The following FBLN7 variants were observed in gnomAD, a reference collection of about 807,000 sequenced individuals.
FBLN7 encodes the protein fibulin 7.
FBLN7 carries 31 observed loss-of-function variants against 44.0 expected under a neutral mutation model. The observed-to-expected ratio is 0.70, with a 90% CI of 0.53 to 0.95. The LOEUF is 0.95. Among genes scored for constraint, FBLN7 ranks in the 40% least tolerant of loss-of-function variants. FBLN7 has a pLI of 0.00. For synonymous variants in FBLN7, 262 were observed against 253.4 expected, an observed-to-expected ratio of 1.03 and a Z score of -0.32; for missense variants, 573 against 618.5, an observed-to-expected ratio of 0.93 and a Z score of 0.78.
chr2:112,195,011 AATTCATGGAGAAGTTGGCACTTG>A, the FBLN7 span, among the ~76,000 whole-genome samples: 2 of 152,316 alleles, frequency 1.3e-5, no homozygotes, highest in African/African-American at 4.8e-5. Flanking sequence ...AGTCAAGACC[AATTCATGGAGAAGTTGGCACTTG>A]ATTCATGGAG....
At chr2:112,192,339 C>G (rs369885832), downstream of FBLN7, among the ~76,000 whole-genome samples, 2 of 152,150 alleles carry the variant, frequency 1.3e-5, no homozygotes, top group East Asian at 1.9e-4. Context: ...CCCAGTGACG[C>G]CTCCAGTTCT....
rs955985229 is a variant in FBLN7, at chr2:112,159,903, C to G, written c.235+68C>G. Reference sequence around the variant, plus strand: ...TCGAGCACTCTCCCCGAGACGCTCCCAGCTGGAGGCCCCTCGTCACCCCTC... The same window carrying G: ...TCGAGCACTCTCCCCGAGACGCTCCGAGCTGGAGGCCCCTCGTCACCCCTC... On this transcript the variant is annotated intron_variant, in intron 2 of 7. Transcript: ENST00000331203. 61 of 1,341,100 alleles carry G rather than the reference C, an allele frequency of 4.5e-5. 2 individuals are homozygous for G. The South Asian group carries it at 1.0e-3, about 23-fold the overall frequency. 83.1% of individuals were successfully genotyped at this position (1,341,100 alleles called of 1,614,324 possible). A position where few individuals can be genotyped will look rare whatever the true frequency, so the allele number is the denominator to read the frequency against.
the FBLN7 span, among the ~76,000 whole-genome samples, chr2:112,243,679 T>C: frequency 6.6e-6 from 1 of 152,186 alleles, no homozygotes; most frequent in Non-Finnish European, 1.5e-5. Context: ...AAACTTGTTT[T>C]CTCTCCTTCA....
chr2:112,232,726 T>C, the FBLN7 span, among the ~76,000 whole-genome samples: 5 of 152,296 alleles, frequency 3.3e-5, no homozygotes, highest in Non-Finnish European at 7.4e-5. Flanking sequence ...ACTCCTTATA[T>C]TGAATGCCTG....
At chr2:112,205,622 G>T in the FBLN7 span, among the ~76,000 whole-genome samples, 1 of 152,004 alleles carries the variant, frequency 6.6e-6, no homozygotes, top group Non-Finnish European at 1.5e-5. Context: ...AATTAAATCA[G>T]TTGCTCATAT....
At chr2:112,220,422 G>A in the FBLN7 span, among the ~76,000 whole-genome samples, 2 of 152,094 alleles carry the variant, frequency 1.3e-5, no homozygotes, top group Non-Finnish European at 2.9e-5. Context: ...TAGTTTGGCT[G>A]GATATAAAAT....
rs1683302361 is a variant in FBLN7 at position 112,187,104 on chromosome 2, G to A, written c.948-30G>A. 1 of 1,607,074 alleles carries A rather than the reference G, an allele frequency of 6.2e-7. No individual in the cohort carries two copies. Among genetic ancestry groups the A allele is most frequent in the Non-Finnish European group, 8.5e-7 (1 of 1,175,986 alleles). The stretch of plus-strand genomic sequence containing the variant: ...GCTCTTCATGAGACTCCCCAAGGCT[G>A]ACTGCCTCCATTTTGCCTCTCCGCT... On this transcript the variant is annotated intron_variant, in intron 7 of 7. Transcript: ENST00000331203. The surrounding 1 kb of genome is among the most constrained non-coding windows in gnomAD (Gnocchi z 5.1).
chr2:112,216,293 C>CACT, the FBLN7 span: 4 of 152,436 alleles, frequency 2.6e-5, no homozygotes, highest in Admixed American at 6.5e-5. Context: ...CCAAGCCCTT[C>CACT]ACTTGTACAT....
the FBLN7 span, chr2:112,230,956 AT>A: frequency 1.6e-6 from 2 of 1,242,806 alleles, no homozygotes; most frequent in South Asian, 1.5e-5. Context: ...AAAACCTAAT[AT>A]AAAAAAAAAA....
the FBLN7 span, among the ~76,000 whole-genome samples, chr2:112,200,156 C>T: frequency 1.3e-5 from 2 of 152,178 alleles, no homozygotes; most frequent in African/African-American, 4.8e-5. Context: ...CATCAACTCC[C>T]AACTCAAGCA....
the FBLN7 span, among the ~76,000 whole-genome samples, chr2:112,199,234 C>T: frequency 2.0e-5 from 3 of 152,178 alleles, no homozygotes; most frequent in South Asian, 2.1e-4. Flanking sequence ...TCCCTGCATG[C>T]AACTCTCCCT....
chr2:112,201,414 G>C, the FBLN7 span, among the ~76,000 whole-genome samples: 1 of 152,242 alleles, frequency 6.6e-6, no homozygotes, highest in Admixed American at 6.5e-5. Context: ...GATCTCTCAG[G>C]TCTCGCATTT....
At chr2:112,160,989 G>A (rs1558880880) in intron 2 of FBLN7, among the ~76,000 whole-genome samples, 1 of 152,196 alleles carries the variant, frequency 6.6e-6, no homozygotes, top group Non-Finnish European at 1.5e-5. Flanking sequence ...TGGGAGGGAA[G>A]GGCTGCTGAG....
the FBLN7 span, among the ~76,000 whole-genome samples, chr2:112,193,566 C>T: frequency 1.3e-5 from 2 of 152,284 alleles, no homozygotes; most frequent in Middle Eastern, 3.4e-3. Context: ...AGTTGCTCTA[C>T]GTTTTAAAAC....
At chr2:112,183,868 G>A (rs1683119842) in intron 6 of FBLN7, among the ~76,000 whole-genome samples, 1 of 152,122 alleles carries the variant, frequency 6.6e-6, no homozygotes. Flanking sequence ...AGAGTGGGTT[G>A]GTTGTAGAAC....
At chr2:112,152,442 C>T (rs1175173925) in intron 1 of FBLN7, 1 of 152,196 alleles carries the variant, frequency 6.6e-6, no homozygotes, top group Non-Finnish European at 1.5e-5. Flanking sequence ...ACTCAAAGTA[C>T]CCTGAGCATC....
intron 3 of FBLN7, among the ~76,000 whole-genome samples, chr2:112,169,787 C>T (rs1018540104): frequency 1.3e-5 from 2 of 152,076 alleles, no homozygotes; most frequent in African/African-American, 4.8e-5. Context: ...GTGGTGAGGG[C>T]CACACATGAC....
chr2:112,183,898 G>A (rs892542635), intron 6 of FBLN7, among the ~76,000 whole-genome samples: 15 of 152,100 alleles, frequency 9.9e-5, no homozygotes, highest in African/African-American at 1.4e-4. Context: ...GAGAACCCTC[G>A]CAACAGTCAC....
At chr2:112,175,666 A>G (rs1049749464) in intron 3 of FBLN7, 48 bp from the exon 4 acceptor site, 2 of 1,606,756 alleles carry the variant, frequency 1.2e-6, no homozygotes, top group South Asian at 2.2e-5. Context: ...TATTTGTTTT[A>G]GACCTAGAAC....
Sources: gnomAD v4.1 joint callset for allele counts (sites outside exome capture counted in the v4.1 genomes callset) on GRCh38, gnomAD v4.1.1 for gene constraint, Gnocchi (gnomAD v3.1) non-coding constraint, MANE v1.5 for transcripts, NCBI Gene and HGNC (gene_info 2026-07-23, HGNC 2026-07-21) for gene names.